Variants in GTSE1 observed in about 807,000 individuals in gnomAD.
GTSE1 encodes G2 and S phase-expressed protein 1.
Under a neutral mutation model 60.5 loss-of-function variants are expected in GTSE1, and 52 were observed. The ratio of observed to expected loss-of-function variants is 0.86; its 90% confidence interval spans 0.69 to 1.08. The LOEUF (loss-of-function observed/expected upper bound fraction) is 1.08. GTSE1 is among the 50% of genes least tolerant of loss of function. The pLI is 0.00. For missense variants in GTSE1, 937 were observed against 961.8 expected (o/e 0.97, Z 0.34); for synonymous variants, 368 against 386.5 (o/e 0.95, Z 0.56).
rs549313340 is a variant in GTSE1 at position 46,298,843 on chromosome 22, C to T, written c.79+1364C>T. 2.0e-5 allele frequency among the ~76,000 whole-genome samples: 3 copies of T among 152,362 alleles called. No individual in the cohort carries two copies. In the East Asian group the frequency reaches 5.8e-4, roughly 29 times the overall value. On this transcript the variant is annotated intron_variant, in intron 2 of 11. Transcript: ENST00000454366. Reference sequence around the variant, plus strand: ...TTCCTTACTTTTCCCCTGTCCACTACTGGATCATGCGCATCCACATACAGA... The same window carrying T: ...TTCCTTACTTTTCCCCTGTCCACTATTGGATCATGCGCATCCACATACAGA...
rs750673659 is a variant in GTSE1, at chr22:46,326,460, T to C, written c.1530T>C (p.Val510=). The C allele has an allele frequency of 6.2e-7, 1 of 1,608,754 alleles. No individual in the cohort carries two copies. The highest frequency in any genetic ancestry group is 8.5e-7 in the Non-Finnish European group (1 of 1,175,742). Reference sequence around the variant, plus strand: ...GGGTCACTGTCCACAGCACCCCGGTTAGACGCTCATCTGGGCCAGCACCAC... The same window carrying C: ...GGGTCACTGTCCACAGCACCCCGGTCAGACGCTCATCTGGGCCAGCACCAC... The part of the protein sequence containing the change: ...VGRVTVHSTP[V]RRSSGPAPQS... The change falls in exon 9 of 12, where the codon GTT becomes GTC. Residue 510 remains valine, a synonymous_variant. Coordinates refer to ENST00000454366, the MANE Select transcript of GTSE1 (RefSeq NM_016426.7).
Position 46,301,194 on chromosome 22 carries a change from G to A in GTSE1, c.79+3715G>A, listed in dbSNP as rs997867767. ...CTAGAGTCTTGCTGTTACCAATGAT[G>A]CTGCAGTAAATAACTGTGGACACCG... On this transcript the variant is annotated intron_variant, in intron 2 of 11. Coordinates refer to ENST00000454366, the MANE Select transcript of GTSE1 (RefSeq NM_016426.7). Among the ~76,000 whole-genome samples, 30 of 152,318 alleles carry A rather than the reference G, an allele frequency of 2.0e-4. 1 individual carries two copies. The highest frequency in any genetic ancestry group is 1.8e-3 in the Admixed American group (27 of 15,290).
In GTSE1 at chr22:46,318,469, C is replaced by T. The variant is rs188414550; in HGVS notation, c.1432+2057C>T. Among the ~76,000 whole-genome samples the T allele has an allele frequency of 1.1e-3, 162 of 152,226 alleles. 1 individual carries two copies. Among genetic ancestry groups the T allele is most frequent in the African/African-American group, 3.8e-3 (157 of 41,546 alleles). On this transcript the variant is annotated intron_variant, in intron 7 of 11. Transcript: ENST00000454366. The surrounding 1 kb of genome is among the most constrained non-coding windows in gnomAD (Gnocchi z 4.8). ...AATTTCTGTTTAATAGGAAAAGATA[C>T]GAAATGTTATCAGATGAGCAGGCCT...
At position 46,297,306 on chromosome 22, in the gene GTSE1, A is replaced by G. The variant is rs2077662592; in HGVS notation, c.-21-74A>G. On this transcript the variant is annotated intron_variant, in intron 1 of 11. Transcript: ENST00000454366. The surrounding 1 kb of genome is among the most constrained non-coding windows in gnomAD (Gnocchi z 4.9). ...GCCTTCAGCTCTCTCTGCCTCTGTG[A>G]GCCGAGGGCTGAAGGAAGCCGGAGC... The G allele has an allele frequency of 1.1e-6, 1 of 892,900 alleles. No homozygotes were observed. The highest frequency in any genetic ancestry group is 1.6e-5 in the African/African-American group (1 of 61,148). 55.3% of individuals were successfully genotyped at this position (892,900 alleles called of 1,614,324 possible).
chr22:46,312,252 G>C lies in GTSE1; in HGVS notation c.874G>C (p.Ala292Pro), dbSNP rs2077752807. Residue 292 changes from alanine (A) to proline (P), a missense_variant, in exon 5 of 12, where the codon GCC becomes CCC. Coordinates refer to ENST00000454366, the MANE Select transcript of GTSE1 (RefSeq NM_016426.7). Reference sequence around the variant, plus strand: ...TGCCCCGGGTGCTGTCAATGTGCCGGCCGCCGGAAGCCACTTGGGCCAGGG... The same window carrying C: ...TGCCCCGGGTGCTGTCAATGTGCCGCCCGCCGGAAGCCACTTGGGCCAGGG... ...KPAPGAVNVP[A>P]AGSHLGQGKR... The C allele has an allele frequency of 1.9e-6, 3 of 1,613,890 alleles. No individual in the cohort carries two copies. The highest frequency in any genetic ancestry group is 1.3e-5 in the African/African-American group (1 of 74,930).
chr22:46,327,266 G>A (rs1395428060), intron 9 of GTSE1: 1 of 152,084 alleles, frequency 6.6e-6, no homozygotes, highest in Admixed American at 6.5e-5. Context: ...AACACATGAA[G>A]TAAGCCATAG....
At position 46,310,187 on chromosome 22, in the gene GTSE1, T is replaced by C. The variant is rs2077740551; in HGVS notation, c.762+1244T>C. On this transcript the variant is annotated intron_variant, in intron 4 of 11. Coordinates refer to ENST00000454366, the MANE Select transcript of GTSE1 (RefSeq NM_016426.7). This position sits in a 1 kb window ranked among gnomAD's most constrained non-coding sequence, Gnocchi z 4.4. ...CACTCCTGTGAGGAGTCATTAGCAA[T>C]GGGTGGACCACTTGAGTGTAACACC... Among the ~76,000 whole-genome samples the C allele has an allele frequency of 6.6e-6, 1 of 152,240 alleles. No individual in the cohort carries two copies. Among genetic ancestry groups the C allele is most frequent in the Non-Finnish European group, 1.5e-5 (1 of 68,046 alleles).
Position 46,312,239 on chromosome 22 carries a change from T to C in GTSE1, c.861T>C (p.Ala287=). 1 of 1,614,176 alleles carries C rather than the reference T, an allele frequency of 6.2e-7. No individual in the cohort carries two copies. The highest frequency in any genetic ancestry group is 8.5e-7 in the Non-Finnish European group (1 of 1,180,014). The change falls in exon 5 of 12, where the codon GCT becomes GCC. Residue 287 remains alanine (A), a synonymous_variant. Coordinates refer to ENST00000454366, the MANE Select transcript of GTSE1 (RefSeq NM_016426.7). ...DVLPDKPAPG[A]VNVPAAGSHL... Reference sequence around the variant, plus strand: ...TCCCTGACAAACCTGCCCCGGGTGCTGTCAATGTGCCGGCCGCCGGAAGCC... The same window carrying C: ...TCCCTGACAAACCTGCCCCGGGTGCCGTCAATGTGCCGGCCGCCGGAAGCC...
rs894991646 is a variant in GTSE1 at position 46,324,915 on chromosome 22, C to G, written c.1506-1521C>G. 2.0e-5 allele frequency among the ~76,000 whole-genome samples: 3 copies of G among 152,190 alleles called. No homozygotes were observed. The highest frequency in any genetic ancestry group is 2.0e-4 in the Admixed American group (3 of 15,276). ...CAATTGCCCAGAATAGAGCAATAGA[C>G]AGGTCTCCCTGGCCTCCCGAGGGGC... On this transcript the variant is annotated intron_variant, in intron 8 of 11. Transcript: ENST00000454366. This position sits in a 1 kb window ranked among gnomAD's most constrained non-coding sequence, Gnocchi z 5.2.
intron 8 of GTSE1, among the ~76,000 whole-genome samples, chr22:46,326,227 G>A (rs1011460790): frequency 6.6e-6 from 1 of 152,252 alleles, no homozygotes; most frequent in East Asian, 1.9e-4. Flanking sequence ...CTGGGAGCCC[G>A]AAGCCCACGC....
At chr22:46,306,862 T>C (rs1384047521) in intron 2 of GTSE1, among the ~76,000 whole-genome samples, 1 of 152,228 alleles carries the variant, frequency 6.6e-6, no homozygotes, top group East Asian at 1.9e-4. Flanking sequence ...ATACTGTATT[T>C]CAGTGCATTT....
chr22:46,315,300 G>A (rs780564141), intron 6 of GTSE1, among the ~76,000 whole-genome samples: 8 of 152,006 alleles, frequency 5.3e-5, no homozygotes, highest in Non-Finnish European at 1.2e-4. Context: ...CTCGTGATCC[G>A]CCCGCCTTGG....
At chr22:46,326,781 G>GT (rs374342323) in intron 9 of GTSE1, 127 bp downstream of exon 9, 9,674 of 501,752 alleles carry the variant, frequency 0.019, no homozygotes, top group South Asian at 0.032. Context: ...AAGTTTGTTT[G>GT]TTTTTTTTTT....
rs953718778 is a variant in GTSE1, at chr22:46,330,047, C to T, written c.2137C>T (p.Leu713Phe). The change falls in exon 12 of 12, where the codon CTC becomes TTC. Residue 713 changes from leucine (L) to phenylalanine (F), a missense_variant and splice_region_variant. Physicochemically the swap from Leu to Phe is conservative, Grantham distance 22. Transcript: ENST00000454366. The surrounding 1 kb of genome is among the most constrained non-coding windows in gnomAD (Gnocchi z 6.0). The stretch of plus-strand genomic sequence containing the variant: ...CCTCCTCCACTCTGCTCTCTTCCAG[C>T]TCATAGACCTGAGCTCCCCTCTGAT... The part of the protein sequence containing the change: ...VAKPSPVVGQ[L>F]IDLSSPLIQL... 1.9e-6 allele frequency: 3 copies of T among 1,598,852 alleles called. No homozygotes were observed. In the African/African-American group the frequency reaches 4.0e-5, roughly 21 times the overall value.
rs747258115 is a variant in GTSE1 at position 46,308,432 on chromosome 22, C to T, written c.251C>T (p.Ser84Phe). The T allele has an allele frequency of 9.3e-6, 15 of 1,614,228 alleles. No individual in the cohort carries two copies. The highest frequency in any genetic ancestry group is 1.2e-5 in the Non-Finnish European group (14 of 1,180,056). Residue 84 changes from serine to phenylalanine, a missense_variant, in exon 4 of 12, where the codon TCT (serine) becomes TTT (phenylalanine). By Grantham distance (155) the Ser-to-Phe change is radical (BLOSUM62 -2). Coordinates refer to ENST00000454366, the MANE Select transcript of GTSE1 (RefSeq NM_016426.7). ...CCCGAACAGCCTCCGTTGCCCACAT[C>T]TGAGAGTCCCTTTGCCTGGAGCCCT... ...PVPEQPPLPT[S>F]ESPFAWSPLA... is the part of the protein sequence containing the mutation.
chr22:46,316,354 C>T lies in GTSE1; in HGVS notation c.1374C>T (p.Ser458=). The T allele has an allele frequency of 1.2e-6, 2 of 1,611,046 alleles. No individual in the cohort carries two copies. The highest frequency in any genetic ancestry group is 1.7e-6 in the Non-Finnish European group (2 of 1,177,312). Residue 458 remains serine, a synonymous_variant, in exon 7 of 12, where the codon TCC becomes TCT. Transcript: ENST00000454366. This position sits in a 1 kb window ranked among gnomAD's most constrained non-coding sequence, Gnocchi z 5.0. The part of the protein sequence containing the change: ...SIRRRDSCLN[S]KTKVMPTPTN... Reference sequence around the variant, plus strand: ...GACGGCGAGATTCCTGTCTAAATTCCAAGACAAAGGTTATGCCTACTCCTA... The same window carrying T: ...GACGGCGAGATTCCTGTCTAAATTCTAAGACAAAGGTTATGCCTACTCCTA...
In GTSE1 at chr22:46,318,161, G is replaced by A. The variant is rs937346202; in HGVS notation, c.1432+1749G>A. ...CCATTAGTGGGTGGGTGTTTGTAAA[G>A]TTTTCATGAATTTCTTGAACAATTG... On this transcript the variant is annotated intron_variant, in intron 7 of 11. Coordinates refer to ENST00000454366, the MANE Select transcript of GTSE1 (RefSeq NM_016426.7). The surrounding 1 kb of genome is among the most constrained non-coding windows in gnomAD (Gnocchi z 4.8). Among the ~76,000 whole-genome samples, 5 of 152,266 alleles carry A rather than the reference G, an allele frequency of 3.3e-5. No individual in the cohort carries two copies. The highest frequency in any genetic ancestry group is 6.5e-5 in the Admixed American group (1 of 15,288).
chr22:46,312,188 T>C lies in GTSE1; in HGVS notation c.810T>C (p.Ala270=). 6.2e-7 allele frequency: 1 copy of C among 1,613,930 alleles called. No homozygotes were observed. The highest frequency in any genetic ancestry group is 1.1e-5 in the South Asian group (1 of 91,054). Reference sequence around the variant, plus strand: ...GTCCTTCCAGGACAAAAATCCCAGCTGAGAAGGAATCCCACCGGGATGTTC... The same window carrying C: ...GTCCTTCCAGGACAAAAATCCCAGCCGAGAAGGAATCCCACCGGGATGTTC... ...PASPSRTKIP[A]EKESHRDVLP... is the part of the protein sequence containing the mutation. Residue 270 remains alanine, a synonymous_variant, in exon 5 of 12, where the codon GCT becomes GCC. Coordinates refer to ENST00000454366, the MANE Select transcript of GTSE1 (RefSeq NM_016426.7).
In GTSE1 at chr22:46,308,829, A is replaced by G. The variant is rs1317092720; in HGVS notation, c.648A>G (p.Ser216=). The change falls in exon 4 of 12, where the codon TCA becomes TCG. Residue 216 remains serine (S), a synonymous_variant. Coordinates refer to ENST00000454366, the MANE Select transcript of GTSE1 (RefSeq NM_016426.7). ...PHSAHALPRE[S]CTAHAASQAA... is the part of the protein sequence containing the mutation. ...CTGCTCATGCTTTGCCCAGGGAATCATGCACTGCTCATGCTGCAAGTCAGG... is the reference window on the plus strand; with the variant it reads ...CTGCTCATGCTTTGCCCAGGGAATCGTGCACTGCTCATGCTGCAAGTCAGG... 1 of 1,613,274 alleles carries G rather than the reference A, an allele frequency of 6.2e-7. No homozygotes were observed. The highest frequency in any genetic ancestry group is 8.5e-7 in the Non-Finnish European group (1 of 1,180,028).
Sources: gnomAD v4.1 joint callset for allele counts (sites outside exome capture counted in the v4.1 genomes callset) on GRCh38, gnomAD v4.1.1 for gene constraint, Gnocchi (gnomAD v3.1) non-coding constraint, MANE v1.5 for transcripts, NCBI Gene and HGNC (gene_info 2026-07-23, HGNC 2026-07-21) for gene names.